NOL7: variants seen among roughly 807,000 people sequenced by gnomAD.
NOL7 encodes U3 small nucleolar RNA-associated protein NOL7.
In NOL7, 36 loss-of-function variants were observed where a neutral mutation model predicts 38.4. The ratio of observed to expected loss-of-function variants is 0.94; its 90% CI spans 0.72 to 1.24. NOL7 has a LOEUF of 1.24. NOL7 is among the 50% of genes most tolerant of loss of function. The pLI, the probability that NOL7 is intolerant of heterozygous loss-of-function variation, is 0.00. For missense variants in NOL7, 350 were observed against 315.1 expected (o/e 1.11, Z -0.84); for synonymous variants, 142 against 126.5 (o/e 1.12, Z -0.82).
chr6:13,631,771 A>G (rs1439322666), intron 8 of NOL7, among the ~76,000 whole-genome samples: 1 of 152,172 alleles, frequency 6.6e-6, no homozygotes, highest in Non-Finnish European at 1.5e-5. Context: ...TCCACCTTCA[A>G]CTGGTACACA....
rs113680365 is a variant in NOL7, at chr6:13,619,865, T to C, written c.501-343T>C. Among the ~76,000 whole-genome samples, 505 of 152,322 alleles carry C rather than the reference T, an allele frequency of 3.3e-3. 4 individuals carry two copies. Among genetic ancestry groups the C allele is most frequent in the African/African-American group, 6.9e-3 (285 of 41,582 alleles). ...GACAAATGATAAAAATATTTTAAAG[T>C]AAGCATGTAGCCTGGGCACGGTGGC... On this transcript the variant is annotated intron_variant, in intron 5 of 7. Transcript: ENST00000451315.
chr6:13,624,155 C>T (rs1051326495), downstream of NOL7, among the ~76,000 whole-genome samples: 2 of 152,064 alleles, frequency 1.3e-5, no homozygotes, highest in East Asian at 1.9e-4. Context: ...TCCTAAATTC[C>T]GGAGAACTAC....
intron 5 of NOL7, among the ~76,000 whole-genome samples, chr6:13,619,506 T>C (rs1764378564): frequency 6.6e-6 from 1 of 152,240 alleles, no homozygotes; most frequent in African/African-American, 2.4e-5. Flanking sequence ...TGCAAGACCA[T>C]GAGAGGAATT....
At chr6:13,627,920 G>A (rs1199512636) in intron 8 of NOL7, among the ~76,000 whole-genome samples, 5 of 151,810 alleles carry the variant, frequency 3.3e-5, no homozygotes, top group Non-Finnish European at 5.9e-5. Flanking sequence ...CATGGCACAC[G>A]TTTACCTATG....
At chr6:13,620,583 A>G (rs1764416101) in intron 7 of NOL7, 98 bp downstream of exon 7, 2 of 1,224,622 alleles carry the variant, frequency 1.6e-6, no homozygotes, top group Admixed American at 2.0e-5. Flanking sequence ...TCCCCCTTAT[A>G]ATGGCTTATA....
chr6:13,629,755 A>AG (rs1334550101), intron 8 of NOL7, among the ~76,000 whole-genome samples: 1 of 152,234 alleles, frequency 6.6e-6, no homozygotes, highest in Non-Finnish European at 1.5e-5. Flanking sequence ...TGGAAGACGT[A>AG]GGCAGATAAG....
At chr6:13,630,361 T>A (rs966606513) in intron 8 of NOL7, among the ~76,000 whole-genome samples, 1 of 152,330 alleles carries the variant, frequency 6.6e-6, no homozygotes, top group Non-Finnish European at 1.5e-5. Flanking sequence ...TATAATGCCA[T>A]CTTCTGAGCT....
chr6:13,620,654 A>G lies in NOL7; in HGVS notation c.701-100A>G, dbSNP rs562649760. On this transcript the variant is annotated intron_variant, in intron 7 of 7. Transcript: ENST00000451315. ...ATGTATATACATCTAAAGTATAATA[A>G]GCCCACCCAGTTTTAGTAATTACAT... 62 of 982,036 alleles carry G rather than the reference A, an allele frequency of 6.3e-5. No individual in the cohort carries two copies. The South Asian group carries it at 9.4e-4, about 15-fold the overall frequency. The allele number at this position is 982,036 out of a possible 1,614,324, so 60.8% of individuals were successfully genotyped here.
chr6:13,620,848 C>G lies in NOL7; in HGVS notation c.*21C>G. 1.4e-6 allele frequency: 2 copies of G among 1,420,454 alleles called. No individual in the cohort carries two copies. Among genetic ancestry groups the G allele is most frequent in the Non-Finnish European group, 2.0e-6 (2 of 1,022,286 alleles). The allele number at this position is 1,420,454 out of a possible 1,614,324, so 88.0% of individuals were successfully genotyped here. A position where few individuals can be genotyped will look rare whatever the true frequency, so the allele number is the denominator to read the frequency against. On this transcript the variant is annotated 3_prime_UTR_variant, in exon 8 of 8. Coordinates refer to ENST00000451315, the MANE Select transcript of NOL7 (RefSeq NM_016167.5). ...AGTAAATCAATGCTAAATGAAGAAT[C>G]TGTACTTTGTATGTATAGAATTTAT...
At chr6:13,622,624 G>C, downstream of NOL7, 2 of 1,008,460 alleles carry the variant, frequency 2.0e-6, no homozygotes, top group Non-Finnish European at 2.7e-6. Flanking sequence ...AGCAAATGAA[G>C]GTTTCTAAGC....
chr6:13,615,802 A>C (rs746084861), intron 2 of NOL7, 30 bp downstream of exon 2: 2 of 1,592,696 alleles, frequency 1.3e-6, no homozygotes, highest in South Asian at 2.3e-5. Flanking sequence ...GTGTCTTATT[A>C]AAACAACTCG....
downstream of NOL7, among the ~76,000 whole-genome samples, chr6:13,624,270 C>CTT (rs1470042433): frequency 1.3e-5 from 2 of 152,318 alleles, no homozygotes; most frequent in East Asian, 3.9e-4. Flanking sequence ...AATATGAATG[C>CTT]TTTTCATTGC....
intron 4 of NOL7, 117 bp from the exon 5 acceptor site, chr6:13,617,941 T>C: frequency 9.9e-7 from 1 of 1,008,958 alleles, no homozygotes; most frequent in Admixed American, 2.0e-5. Context: ...CTGTATTTCA[T>C]ACAAATAAAA....
chr6:13,631,832 G>A (rs568043298), intron 8 of NOL7, among the ~76,000 whole-genome samples: 146 of 152,240 alleles, frequency 9.6e-4, no homozygotes, highest in African/African-American at 3.3e-3. Flanking sequence ...ATCAGCTCAT[G>A]GACAACAATC....
rs1343080965 is a variant in NOL7 at position 13,618,109 on chromosome 6, AAGTT to A, written c.472_475del (p.Val158LysfsTer17). On this transcript the variant is annotated frameshift_variant, in exon 5 of 8. Coordinates refer to ENST00000451315, the MANE Select transcript of NOL7 (RefSeq NM_016167.5). LOFTEE classifies it high-confidence loss of function. ...TGTGAAAAAGGAAATGACTCCAAGA[AAGTT>A]AAAGTACAAAAAGTACAGTCTGTCA... The A allele has an allele frequency of 2.5e-6, 4 of 1,592,202 alleles. No individual in the cohort carries two copies. Among genetic ancestry groups the A allele is most frequent in the Non-Finnish European group, 3.4e-6 (4 of 1,161,926 alleles).
Position 13,618,366 on chromosome 6 carries a change from G to T in NOL7, c.500+227G>T, listed in dbSNP as rs562158442. On this transcript the variant is annotated intron_variant, in intron 5 of 7. Transcript: ENST00000451315. ...GGGTTCACGCCATTCTCCTGCCTCA[G>T]CCTCCCGAGTAGCTGGGACTACAGG... is the stretch of plus-strand genomic sequence containing the variant. 342 of 176,682 alleles carry T rather than the reference G, an allele frequency of 1.9e-3. 1 individual carries two copies. The Middle Eastern group carries it at 0.034, about 17-fold the overall frequency. The allele number at this position is 176,682 out of a possible 1,614,324, so 10.9% of individuals were successfully genotyped here. A position where few individuals can be genotyped will look rare whatever the true frequency, so the allele number is the denominator to read the frequency against.
chr6:13,620,782 G>T lies in NOL7; in HGVS notation c.729G>T (p.Arg243Ser), dbSNP rs757352608. The part of the protein sequence containing the change: ...WGIQKKQNAK[R>S]FKRRWMVRKM... ...TCCAAAAAAAACAAAATGCCAAGAG[G>T]TTTAAAAGACGGTGGATGGTCAGAA... Residue 243 changes from arginine (R) to serine (S), a missense_variant, in exon 8 of 8, where the codon AGG becomes AGT. Transcript: ENST00000451315. 6.2e-7 allele frequency: 1 copy of T among 1,604,034 alleles called. No individual in the cohort carries two copies. Among genetic ancestry groups the T allele is most frequent in the East Asian group, 2.2e-5 (1 of 44,646 alleles).
intron 7 of NOL7, 64 bp downstream of exon 7, chr6:13,620,549 G>A (rs1764414819): frequency 4.1e-6 from 6 of 1,468,340 alleles, no homozygotes; most frequent in Non-Finnish European, 5.7e-6. Context: ...TTCTTTTGAA[G>A]GAGATAGTTC....
rs761062919 is a variant in NOL7, at chr6:13,620,346, C to T, written c.622+17C>T. ...GGACTACTGGTAATTTTTTTATGGA[C>T]TATTTTTCTCACTTTTTACTGCAAA... On this transcript the variant is annotated intron_variant, in intron 6 of 7. Transcript: ENST00000451315. 6.2e-7 allele frequency: 1 copy of T among 1,613,750 alleles called. No homozygotes were observed. Among genetic ancestry groups the T allele is most frequent in the Non-Finnish European group, 8.5e-7 (1 of 1,179,892 alleles).
Sources: gnomAD v4.1 joint callset for allele counts (sites outside exome capture counted in the v4.1 genomes callset) on GRCh38, gnomAD v4.1.1 for gene constraint, MANE v1.5 for transcripts, NCBI Gene and HGNC (gene_info 2026-07-23, HGNC 2026-07-21) for gene names.